NCAM2: variants seen among roughly 807,000 people sequenced by gnomAD.
NCAM2 encodes the protein N-CAM-2.
In NCAM2, 30 loss-of-function variants were observed where a neutral mutation model predicts 98.1. That is an observed-to-expected ratio of 0.31 (90% CI 0.23 to 0.41). The LOEUF (loss-of-function observed/expected upper bound fraction) is 0.41. Among genes scored for constraint, NCAM2 ranks in the 10% least tolerant of loss-of-function variants. The probability of loss-of-function intolerance (pLI) is 1.00; values close to 1 mark genes in which losing one functional copy is unlikely to be tolerated. For missense variants in NCAM2, 867 were observed against 1,005.8 expected (o/e 0.86, Z 1.87); for synonymous variants, 368 against 342.4 (o/e 1.07, Z -0.83).
At chr21:21,438,325 T>C (rs1602343152) in intron 12 of NCAM2, among the ~76,000 whole-genome samples, 2 of 152,194 alleles carry the variant, frequency 1.3e-5, no homozygotes, top group South Asian at 2.1e-4. Flanking sequence ...ACTGTCCTGT[T>C]AGTAGATTCT....
chr21:21,185,637 G>C (rs1451456832), intron 1 of NCAM2, among the ~76,000 whole-genome samples: 1 of 152,054 alleles, frequency 6.6e-6, no homozygotes, highest in Non-Finnish European at 1.5e-5. Context: ...TCACCCAGCT[G>C]TTCTACTCTT....
intron 3 of NCAM2, among the ~76,000 whole-genome samples, chr21:21,285,297 T>C (rs997871704): frequency 1.3e-5 from 2 of 151,860 alleles, no homozygotes; most frequent in African/African-American, 4.8e-5. Flanking sequence ...TTGTTTGTTA[T>C]TCTAGAAATA....
At chr21:21,045,090 A>T (rs993068823) in intron 1 of NCAM2, among the ~76,000 whole-genome samples, 2 of 152,134 alleles carry the variant, frequency 1.3e-5, no homozygotes, top group Non-Finnish European at 2.9e-5. Flanking sequence ...ATCCAGTTTG[A>T]TGTATTTTAT....
At chr21:21,312,903 C>G (rs907701356) in intron 5 of NCAM2, among the ~76,000 whole-genome samples, 7 of 151,362 alleles carry the variant, frequency 4.6e-5, no homozygotes, top group African/African-American at 1.7e-4. Context: ...TTTTATATTT[C>G]TTTAATAATT....
intron 16 of NCAM2, among the ~76,000 whole-genome samples, chr21:21,526,962 T>C (rs570312278): frequency 1.3e-5 from 2 of 152,254 alleles, no homozygotes; most frequent in East Asian, 3.9e-4. Flanking sequence ...ATGCACTTCA[T>C]AAAAATTAAC....
At chr21:21,228,083 A>T (rs2070461984) in intron 1 of NCAM2, among the ~76,000 whole-genome samples, 1 of 151,750 alleles carries the variant, frequency 6.6e-6, no homozygotes. Flanking sequence ...GATATGCATC[A>T]ATAACAAAAG....
chr21:21,361,055 T>A (rs1285775303), intron 8 of NCAM2, among the ~76,000 whole-genome samples: 2 of 152,076 alleles, frequency 1.3e-5, no homozygotes, highest in East Asian at 1.9e-4. Flanking sequence ...CTACTACACC[T>A]GCAAACATAC....
At chr21:21,149,304 A>G (rs1351475258) in intron 1 of NCAM2, among the ~76,000 whole-genome samples, 1 of 152,180 alleles carries the variant, frequency 6.6e-6, no homozygotes, top group African/African-American at 2.4e-5. Context: ...CTTGGAGATA[A>G]TTGATATATT....
intron 1 of NCAM2, among the ~76,000 whole-genome samples, chr21:21,218,968 G>T (rs1011926143): frequency 9.2e-5 from 14 of 152,188 alleles, no homozygotes; most frequent in Non-Finnish European, 4.4e-5. Context: ...ACTTCAACTC[G>T]GGAGGCAGAG....
In NCAM2 at chr21:21,431,830, A is replaced by G. The variant is rs1236154980; in HGVS notation, c.1481-278A>G. Among the ~76,000 whole-genome samples, 7 of 152,052 alleles carry G rather than the reference A, an allele frequency of 4.6e-5. 1 individual carries two copies. The highest frequency in any genetic ancestry group is 1.0e-4 in the Non-Finnish European group (7 of 68,016). ...TCCTGGACCTCAATAAAATGTTTATATCGTATAGAAAATGCAGAAGTAACA... is the reference window on the plus strand; with the variant it reads ...TCCTGGACCTCAATAAAATGTTTATGTCGTATAGAAAATGCAGAAGTAACA... On this transcript the variant is annotated intron_variant, in intron 11 of 17. Coordinates refer to ENST00000400546, the MANE Select transcript of NCAM2 (RefSeq NM_004540.5).
chr21:21,400,747 A>AT (rs1239945912), intron 9 of NCAM2, among the ~76,000 whole-genome samples: 2 of 152,082 alleles, frequency 1.3e-5, no homozygotes, highest in African/African-American at 4.8e-5. Flanking sequence ...TTGTACAAAC[A>AT]TATGCGTATC....
At chr21:21,142,888 G>A (rs896674681) in intron 1 of NCAM2, among the ~76,000 whole-genome samples, 5 of 152,134 alleles carry the variant, frequency 3.3e-5, no homozygotes, top group Admixed American at 1.3e-4. Flanking sequence ...TTTTGTAGGT[G>A]TAGCGTATTT....
intron 16 of NCAM2, among the ~76,000 whole-genome samples, chr21:21,513,206 T>C (rs1988503494): frequency 1.3e-5 from 2 of 152,104 alleles, no homozygotes; most frequent in Admixed American, 1.3e-4. Context: ...AGTATGATAC[T>C]AGCTTTATTA....
chr21:21,512,835 TA>T (rs1186430719), intron 16 of NCAM2, among the ~76,000 whole-genome samples: 1 of 152,080 alleles, frequency 6.6e-6, no homozygotes, highest in Non-Finnish European at 1.5e-5. Flanking sequence ...TATTTCAATT[TA>T]TTTGAGCTTT....
chr21:21,145,828 T>C (rs2067260878), intron 1 of NCAM2, among the ~76,000 whole-genome samples: 1 of 152,150 alleles, frequency 6.6e-6, no homozygotes, highest in Admixed American at 6.5e-5. Flanking sequence ...AATAGTCTTA[T>C]AGGGAAGATA....
intron 1 of NCAM2, among the ~76,000 whole-genome samples, chr21:21,151,635 T>C (rs895130976): frequency 6.6e-6 from 1 of 152,046 alleles, no homozygotes; most frequent in Non-Finnish European, 1.5e-5. Flanking sequence ...TTTATGTCTT[T>C]CTTGTGAAAT....
At chr21:21,292,737 C>G (rs2073341688) in intron 5 of NCAM2, among the ~76,000 whole-genome samples, 1 of 151,826 alleles carries the variant, frequency 6.6e-6, no homozygotes, top group African/African-American at 2.4e-5. Context: ...TAGTTCCTTC[C>G]TGTGTTAACA....
At chr21:21,428,096 CA>C (rs2077254806) in intron 11 of NCAM2, among the ~76,000 whole-genome samples, 2 of 152,160 alleles carry the variant, frequency 1.3e-5, no homozygotes, top group Admixed American at 1.3e-4. Flanking sequence ...TCTCTTAATC[CA>C]GCACTTTGCC....
At chr21:21,440,553 C>T (rs568340738) in intron 12 of NCAM2, among the ~76,000 whole-genome samples, 22 of 151,770 alleles carry the variant, frequency 1.4e-4, no homozygotes, top group Admixed American at 5.3e-4. Context: ...TGGTGGCAGG[C>T]GCCTGTGGTC....
Sources: gnomAD v4.1 joint callset for allele counts (sites outside exome capture counted in the v4.1 genomes callset) on GRCh38, gnomAD v4.1.1 for gene constraint, MANE v1.5 for transcripts, NCBI Gene and HGNC (gene_info 2026-07-23, HGNC 2026-07-21) for gene names.